Variants in TRAPPC9 observed in about 807,000 individuals in gnomAD.
The protein encoded by TRAPPC9 is trafficking protein particle complex subunit 9.
A neutral mutation model predicts 124.0 loss-of-function variants in TRAPPC9; 83 were observed. The observed-to-expected ratio is 0.67, with a 90% confidence interval of 0.56 to 0.80. TRAPPC9 has a LOEUF of 0.80. TRAPPC9 is among the 30% of genes least tolerant of loss of function. TRAPPC9 has a pLI of 0.00. For missense variants in TRAPPC9, 1,302 were observed against 1,508.3 expected, an observed-to-expected ratio of 0.86 and a Z score of 2.27; for synonymous variants, 638 against 617.5, an observed-to-expected ratio of 1.03 and a Z score of -0.49.
chr8:139,853,028 C>G (rs908212021), intron 21 of TRAPPC9, among the ~76,000 whole-genome samples: 4 of 152,232 alleles, frequency 2.6e-5, no homozygotes, highest in African/African-American at 7.2e-5. Context: ...TTTGTATCTT[C>G]TTTCCCGTGA....
intron 9 of TRAPPC9, among the ~76,000 whole-genome samples, chr8:140,348,659 C>T (rs1211237551): frequency 6.6e-6 from 1 of 152,228 alleles, no homozygotes; most frequent in Non-Finnish European, 1.5e-5. Context: ...CTATAGGTGA[C>T]TGCCAACATG....
intron 19 of TRAPPC9, among the ~76,000 whole-genome samples, chr8:139,979,945 G>T (rs1486291864): frequency 6.6e-6 from 1 of 152,170 alleles, no homozygotes; most frequent in Admixed American, 6.5e-5. Context: ...CTCTGCCCAT[G>T]GGTGCTGGCG....
intron 16 of TRAPPC9, among the ~76,000 whole-genome samples, chr8:140,242,608 C>T (rs1229786275): frequency 6.6e-6 from 1 of 152,168 alleles, no homozygotes; most frequent in Non-Finnish European, 1.5e-5. Context: ...AGTCAGGAAG[C>T]CAGCTAAAAA....
chr8:139,936,425 G>A (rs148279371), intron 19 of TRAPPC9, among the ~76,000 whole-genome samples: 32 of 152,350 alleles, frequency 2.1e-4, no homozygotes, highest in African/African-American at 7.5e-4. Context: ...AATGGTGAGT[G>A]GGGAGGTCGA....
intron 17 of TRAPPC9, among the ~76,000 whole-genome samples, chr8:140,106,680 G>A (rs987097048): frequency 2.0e-5 from 3 of 152,152 alleles, no homozygotes; most frequent in African/African-American, 7.2e-5. Flanking sequence ...CCAGCTGGGT[G>A]ACCTTGAAAA....
At chr8:139,861,818 A>C (rs9886647) in intron 21 of TRAPPC9, among the ~76,000 whole-genome samples, 51,220 of 151,784 alleles carry the variant, frequency 0.34, 9,137 homozygotes, top group African/African-American at 0.45. Flanking sequence ...GCCTGCCATG[A>C]TCCAGTGCTG....
chr8:140,183,889 GAGGA>G (rs1319907656), intron 17 of TRAPPC9, among the ~76,000 whole-genome samples: 1 of 15,642 alleles, frequency 6.4e-5, no homozygotes, highest in African/African-American at 3.3e-4. Context: ...AGAAGAAGAA[GAGGA>G]GAGGAGAGGA....
At chr8:140,183,569 G>A (rs1335719774) in intron 17 of TRAPPC9, among the ~76,000 whole-genome samples, 1 of 152,118 alleles carries the variant, frequency 6.6e-6, no homozygotes, top group Non-Finnish European at 1.5e-5. Flanking sequence ...ATGGAGACCT[G>A]GCTGGGCATG....
Position 140,435,243 on chromosome 8 carries a change from G to T in TRAPPC9, c.731-3C>A. On this transcript the variant is annotated splice_region_variant and splice_polypyrimidine_tract_variant and intron_variant, in intron 3 of 22. Coordinates refer to ENST00000438773, the MANE Select transcript of TRAPPC9 (RefSeq NM_001160372.4). The stretch of plus-strand genomic sequence containing the variant: ...TGAACACAATCCTTCCAGGGCAGCT[G>T]GGCATTAAGAAAACAAAAAACAAAA... 2 of 1,612,638 alleles carry T rather than the reference G, an allele frequency of 1.2e-6. No homozygotes were observed. The highest frequency in any genetic ancestry group is 8.5e-7 in the Non-Finnish European group (1 of 1,179,594).
chr8:140,018,139 A>G (rs371496876), intron 18 of TRAPPC9, among the ~76,000 whole-genome samples: 3 of 151,768 alleles, frequency 2.0e-5, no homozygotes, highest in African/African-American at 7.3e-5. Context: ...CACCGTGCCC[A>G]GCCACCTCTC....
chr8:139,887,460 G>A (rs1437424099), intron 20 of TRAPPC9, among the ~76,000 whole-genome samples: 3 of 152,170 alleles, frequency 2.0e-5, no homozygotes, highest in Non-Finnish European at 4.4e-5. Flanking sequence ...CTGACCTCAA[G>A]TGATCTGCCC....
intron 16 of TRAPPC9, among the ~76,000 whole-genome samples, chr8:140,222,496 C>T (rs1006550388): frequency 1.3e-5 from 2 of 152,146 alleles, no homozygotes; most frequent in African/African-American, 4.8e-5. Context: ...TCTTCTCCCC[C>T]GTTGCCTTCA....
chr8:139,942,386 T>A (rs771964601), intron 19 of TRAPPC9, among the ~76,000 whole-genome samples: 12 of 151,952 alleles, frequency 7.9e-5, no homozygotes, highest in African/African-American at 2.7e-4. Context: ...ATTTTATTTT[T>A]AAAAAAAATC....
Position 140,311,287 on chromosome 8 carries a change from G to A in TRAPPC9, c.1583C>T (p.Thr528Ile), listed in dbSNP as rs959290276. The change falls in exon 10 of 23, where the codon ACC (threonine) becomes ATC (isoleucine). Residue 528 changes from threonine (T) to isoleucine (I), a missense_variant. Thr to Ile is a moderately conservative substitution (Grantham distance 89). This residue lies in a region of TRAPPC9 where 657 missense variants were observed against 811.2 expected (regional missense o/e 0.81). Transcript: ENST00000438773. ...CTTGGTGAAGGGCACCGGTGGCAGG[G>A]TGAGGCCGCCAGGGAGGGCGATGGG... is the stretch of plus-strand genomic sequence containing the variant. Reference protein sequence around the residue: ...MEPIALPGGLTLPPVPFTKLP... With the variant: ...MEPIALPGGLILPPVPFTKLP... The A allele has an allele frequency of 1.9e-6, 3 of 1,613,390 alleles. No individual in the cohort carries two copies. The highest frequency in any genetic ancestry group is 1.7e-6 in the Non-Finnish European group (2 of 1,180,018).
At chr8:139,840,693 T>G (rs1384205635) in intron 21 of TRAPPC9, among the ~76,000 whole-genome samples, 3 of 152,132 alleles carry the variant, frequency 2.0e-5, no homozygotes, top group Non-Finnish European at 4.4e-5. Flanking sequence ...AGCAATGCAG[T>G]GGCACAGTCC....
intron 21 of TRAPPC9, among the ~76,000 whole-genome samples, chr8:139,828,103 G>GAC (rs148886474): frequency 0.19 from 28,070 of 150,390 alleles, 2,885 homozygotes; most frequent in East Asian, 0.45. Context: ...ACTTGGAGGG[G>GAC]ACACACACAC....
At chr8:140,215,470 C>A (rs1374071187) in intron 17 of TRAPPC9, among the ~76,000 whole-genome samples, 1 of 151,872 alleles carries the variant, frequency 6.6e-6, no homozygotes, top group Non-Finnish European at 1.5e-5. Flanking sequence ...CAGTGAAACC[C>A]CATCTCTACT....
At chr8:139,917,678 G>A (rs544318047) in intron 19 of TRAPPC9, among the ~76,000 whole-genome samples, 2 of 152,296 alleles carry the variant, frequency 1.3e-5, no homozygotes, top group Non-Finnish European at 2.9e-5. Context: ...GCAGCCCTGG[G>A]AGGGAGCAGA....
chr8:140,112,249 G>A (rs975317579), intron 17 of TRAPPC9, among the ~76,000 whole-genome samples: 4 of 151,622 alleles, frequency 2.6e-5, no homozygotes, highest in Non-Finnish European at 5.9e-5. Context: ...AATTCCAGAC[G>A]ATGGTGGGAC....
Sources: gnomAD v4.1 joint callset for allele counts (sites outside exome capture counted in the v4.1 genomes callset) on GRCh38, gnomAD v4.1.1 for gene constraint, gnomAD v4.1.1 regional missense constraint, MANE v1.5 for transcripts, NCBI Gene and HGNC (gene_info 2026-07-23, HGNC 2026-07-21) for gene names.